The following ZNF573 variants were observed in gnomAD, a reference collection of about 807,000 sequenced individuals.
ZNF573 encodes zinc finger protein 573.
A neutral mutation model predicts 57.4 loss-of-function variants in ZNF573; 41 were observed. The observed-to-expected ratio is 0.71, with a 90% CI of 0.56 to 0.93. The LOEUF is 0.93. ZNF573 is among the 40% of genes least tolerant of loss of function. The pLI, the probability that ZNF573 is intolerant of heterozygous loss-of-function variation, is 0.00. For missense variants in ZNF573, 730 were observed against 794.8 expected (o/e 0.92, Z 0.98); for synonymous variants, 249 against 261.0 (o/e 0.95, Z 0.44).
chr19:37,740,145 A>G lies in ZNF573; in HGVS notation c.345T>C (p.Tyr115=). ...EIISYIEVPT[Y]ETDISSTQLQ... is the part of the protein sequence containing the mutation. ...GTTGTGTAGAGGATATATCTGTTTC[A>G]TAAGTGGGTACTTCTATGTAGCTGA... Residue 115 remains tyrosine, a synonymous_variant, in exon 5 of 5, where the codon TAT becomes TAC. Coordinates refer to ENST00000536220, the MANE Select transcript of ZNF573 (RefSeq NM_001172690.2). The G allele has an allele frequency of 6.2e-7, 1 of 1,608,864 alleles. No individual in the cohort carries two copies.
At chr19:37,746,898 A>T (rs2045389002) in intron 4 of ZNF573, among the ~76,000 whole-genome samples, 1 of 152,060 alleles carries the variant, frequency 6.6e-6, no homozygotes, top group South Asian at 2.1e-4. Context: ...TTGGTTTTTA[A>T]ATCCCATTCT....
Position 37,740,149 on chromosome 19 carries a change from G to C in ZNF573, c.341C>G (p.Thr114Ser), listed in dbSNP as rs1568414966. ...CEIISYIEVP[T>S]YETDISSTQL... is the part of the protein sequence containing the mutation. ...TGTAGAGGATATATCTGTTTCATAA[G>C]TGGGTACTTCTATGTAGCTGATTAT... The change falls in exon 5 of 5, where the codon ACT becomes AGT. Residue 114 changes from threonine to serine, a missense_variant. Transcript: ENST00000536220. 1.9e-6 allele frequency: 3 copies of C among 1,607,702 alleles called. No homozygotes were observed. The African/African-American group carries it at 4.0e-5, about 22-fold the overall frequency.
At chr19:37,769,476 C>T (rs545411081) in intron 4 of ZNF573, among the ~76,000 whole-genome samples, 3 of 144,950 alleles carry the variant, frequency 2.1e-5, no homozygotes, top group South Asian at 2.2e-4. Context: ...AACTGTAATC[C>T]CAGCATTTTG....
chr19:37,746,878 C>T (rs187186293), intron 4 of ZNF573, among the ~76,000 whole-genome samples: 153 of 152,284 alleles, frequency 1.0e-3, no homozygotes, highest in African/African-American at 3.6e-3. Flanking sequence ...GCCACCGTGC[C>T]CAGCTGACCT....
intron 4 of ZNF573, among the ~76,000 whole-genome samples, chr19:37,742,097 A>AC (rs1781953845): frequency 6.6e-6 from 1 of 152,196 alleles, no homozygotes; most frequent in Non-Finnish European, 1.5e-5. Context: ...AGAATGAAAT[A>AC]CGTAGGAATA....
Position 37,773,613 on chromosome 19 carries a change from A to G in ZNF573, c.69+48T>C, listed in dbSNP as rs772777959. 5 of 1,437,134 alleles carry G rather than the reference A, an allele frequency of 3.5e-6. No individual in the cohort carries two copies. The South Asian group carries it at 5.0e-5, about 14-fold the overall frequency. The allele number at this position is 1,437,134 out of a possible 1,614,324, so 89.0% of individuals were successfully genotyped here. On this transcript the variant is annotated intron_variant, in intron 2 of 4. Transcript: ENST00000536220. ...GCCTTAGGTTAATGAAAACATCCAC[A>G]TAACCTATGATCATGATATTGCAAG...
intron 4 of ZNF573, chr19:37,740,572 A>G: frequency 4.4e-6 from 2 of 459,616 alleles, no homozygotes; most frequent in Non-Finnish European, 8.7e-6. Flanking sequence ...ACATCCTTTA[A>G]GTTTCTCGAG....
At chr19:37,748,559 A>T (rs2045403528) in intron 4 of ZNF573, among the ~76,000 whole-genome samples, 1 of 152,178 alleles carries the variant, frequency 6.6e-6, no homozygotes, top group Non-Finnish European at 1.5e-5. Context: ...CTGACATTCC[A>T]CAAGAAAACT....
chr19:37,748,625 C>T (rs1263565096), intron 4 of ZNF573, among the ~76,000 whole-genome samples: 1 of 151,922 alleles, frequency 6.6e-6, no homozygotes, highest in East Asian at 1.9e-4. Flanking sequence ...TAAGGTAACA[C>T]CAAGATAAAA....
At chr19:37,776,423 C>T (rs1412029131) in intron 1 of ZNF573, among the ~76,000 whole-genome samples, 1 of 152,154 alleles carries the variant, frequency 6.6e-6, no homozygotes, top group Non-Finnish European at 1.5e-5. Context: ...GGATAATTGG[C>T]AAGCCACGTG....
At position 37,763,890 on chromosome 19, in the gene ZNF573, C is replaced by T. The variant is rs1453151956; in HGVS notation, c.295+6115G>A. Among the ~76,000 whole-genome samples, 8 of 151,672 alleles carry T rather than the reference C, an allele frequency of 5.3e-5. No homozygotes were observed. The South Asian group carries it at 1.7e-3, about 32-fold the overall frequency. On this transcript the variant is annotated intron_variant, in intron 4 of 4. Coordinates refer to ENST00000536220, the MANE Select transcript of ZNF573 (RefSeq NM_001172690.2). Reference sequence around the variant, plus strand: ...ACAAGCCTGACCAACATGGAGAAACCCCATCTCTACTAAAAATACAAAATT... The same window carrying T: ...ACAAGCCTGACCAACATGGAGAAACTCCATCTCTACTAAAAATACAAAATT...
Position 37,739,519 on chromosome 19 carries a change from T to G in ZNF573, c.971A>C (p.His324Pro), listed in dbSNP as rs1469869146. The change falls in exon 5 of 5, where the codon CAC becomes CCC. Residue 324 changes from histidine to proline, a missense_variant. His to Pro is a moderately conservative substitution (Grantham distance 77). Coordinates refer to ENST00000536220, the MANE Select transcript of ZNF573 (RefSeq NM_001172690.2). ...GHQLTVHQRV[H>P]TGKKPYECKE... ...ACACTCATATGGCTTTTTACCAGTG[T>G]GAACTCTCTGATGTACAGTAAGCTG... is the stretch of plus-strand genomic sequence containing the variant. The G allele has an allele frequency of 6.2e-7, 1 of 1,612,986 alleles. No individual in the cohort carries two copies. Among genetic ancestry groups the G allele is most frequent in the African/African-American group, 1.3e-5 (1 of 74,856 alleles).
intron 4 of ZNF573, among the ~76,000 whole-genome samples, chr19:37,762,925 C>T (rs1054172093): frequency 6.6e-6 from 1 of 152,048 alleles, no homozygotes; most frequent in African/African-American, 2.4e-5. Flanking sequence ...GCATGCACCA[C>T]CACACCCGGC....
chr19:37,738,645 A>G lies in ZNF573; in HGVS notation c.1845T>C (p.Cys615=). The change falls in exon 5 of 5, where the codon TGT becomes TGC. Residue 615 remains cysteine (C), a synonymous_variant. Transcript: ENST00000536220. ...TTGAAGCACGACTGAAGGCCTTCCC[A>G]CATTCTTTACATTCATAAGGTTTTC... The part of the protein sequence containing the change: ...TGGKPYECKE[C]GKAFSRASNL... The G allele has an allele frequency of 6.2e-7, 1 of 1,611,144 alleles. No homozygotes were observed. Among genetic ancestry groups the G allele is most frequent in the Non-Finnish European group, 8.5e-7 (1 of 1,178,968 alleles).
chr19:37,764,729 G>A (rs890527038), intron 4 of ZNF573, among the ~76,000 whole-genome samples: 1 of 146,798 alleles, frequency 6.8e-6, no homozygotes, highest in Non-Finnish European at 1.5e-5. Flanking sequence ...TCAGCCTCCC[G>A]AGTAGCTGGG....
At chr19:37,745,934 C>CTG (rs2045378254) in intron 4 of ZNF573, among the ~76,000 whole-genome samples, 1 of 152,156 alleles carries the variant, frequency 6.6e-6, no homozygotes, top group Admixed American at 6.5e-5. Context: ...TTCATAGATA[C>CTG]AATTCAAATA....
intron 4 of ZNF573, among the ~76,000 whole-genome samples, chr19:37,764,311 G>GTT (rs545189639): frequency 3.7e-5 from 5 of 136,354 alleles, no homozygotes; most frequent in African/African-American, 5.3e-5. Context: ...GTTTTTTTTT[G>GTT]TTTTTTTTTT....
intron 4 of ZNF573, among the ~76,000 whole-genome samples, chr19:37,749,481 T>C (rs1444000686): frequency 6.6e-6 from 1 of 152,014 alleles, no homozygotes; most frequent in Admixed American, 6.6e-5. Context: ...TTATATTTGA[T>C]AGCATGAAAG....
chr19:37,773,708 G>A lies in ZNF573; in HGVS notation c.22C>T (p.His8Tyr). The A allele has an allele frequency of 1.3e-6, 2 of 1,535,786 alleles. No individual in the cohort carries two copies. Among genetic ancestry groups the A allele is most frequent in the African/African-American group, 2.7e-5 (2 of 73,160 alleles). ...TAAGACCTGATCAGTCCTACTTGGT[G>A]GGGTTCCAATACTGGAAACATTCAA... MFPVLEP[H>Y]QVGLIRSYNS... The change falls in exon 2 of 5, where the codon CAC (histidine) becomes TAC (tyrosine). Residue 8 changes from histidine to tyrosine, a missense_variant. Physicochemically the swap from His to Tyr is moderately conservative, Grantham distance 83. Coordinates refer to ENST00000536220, the MANE Select transcript of ZNF573 (RefSeq NM_001172690.2).
Sources: allele counts gnomAD v4.1 joint callset (sites outside exome capture counted in the v4.1 genomes callset), GRCh38; gene constraint gnomAD v4.1.1; transcripts MANE v1.5; gene names NCBI Gene and HGNC (gene_info 2026-07-23, HGNC 2026-07-21).